The following HERC1 variants were observed in gnomAD, a reference collection of about 807,000 sequenced individuals.
HERC1 encodes probable E3 ubiquitin-protein ligase HERC1.
HERC1 carries 160 observed loss-of-function variants against 554.3 expected under a neutral mutation model. That is an observed-to-expected ratio of 0.29 (90% CI 0.25 to 0.33). HERC1 has a LOEUF of 0.33. Among genes scored for constraint, HERC1 ranks in the 10% least tolerant of loss-of-function variants. HERC1 has a pLI of 1.00. For synonymous variants in HERC1, 2,175 were observed against 2,131.7 expected (o/e 1.02, Z -0.56); for missense variants, 4,919 against 5,918.5 (o/e 0.83, Z 5.54).
chr15:63,782,562 G>A (rs894832272), intron 1 of HERC1, among the ~76,000 whole-genome samples: 2 of 152,220 alleles, frequency 1.3e-5, no homozygotes, highest in African/African-American at 4.8e-5. Context: ...TGTACAAGGA[G>A]ATTCATGTTG....
At chr15:63,641,813 A>T (rs1469980360) in intron 59 of HERC1, among the ~76,000 whole-genome samples, 170 bp from the exon 60 acceptor site, 1 of 152,200 alleles carries the variant, frequency 6.6e-6, no homozygotes, top group Non-Finnish European at 1.5e-5. Context: ...AAAATATCCT[A>T]AATTTTGTCT....
At chr15:63,831,806 G>A (rs1249891385) in intron 1 of HERC1, among the ~76,000 whole-genome samples, 5 of 152,150 alleles carry the variant, frequency 3.3e-5, no homozygotes, top group African/African-American at 4.8e-5. Flanking sequence ...TTTAAATTGA[G>A]ATTTTCAAGA....
chr15:63,673,013 T>A (rs972404795), intron 38 of HERC1, among the ~76,000 whole-genome samples: 3 of 152,198 alleles, frequency 2.0e-5, no homozygotes, highest in African/African-American at 7.2e-5. Flanking sequence ...GATAAGAGGT[T>A]CTCTAAGGTA....
intron 1 of HERC1, chr15:63,779,485 A>G (rs547975621): frequency 2.3e-4 from 35 of 152,326 alleles, no homozygotes; most frequent in African/African-American, 7.9e-4. Context: ...AAATAGAAAC[A>G]CTAATAACGT....
intron 1 of HERC1, among the ~76,000 whole-genome samples, chr15:63,795,065 C>CA (rs1177647525): frequency 0.27 from 18,534 of 68,870 alleles, 3,226 homozygotes; most frequent in Middle Eastern, 0.43. Flanking sequence ...GACTCTGTCT[C>CA]AAAAAAAAAA....
intron 24 of HERC1, among the ~76,000 whole-genome samples, chr15:63,707,951 AAAG>A (rs1306416075): frequency 1.5e-4 from 22 of 149,594 alleles, no homozygotes; most frequent in African/African-American, 5.5e-4. Flanking sequence ...AAAAAAAAAA[AAAG>A]AAGAAGTGAC....
At chr15:63,651,438 A>G in intron 52 of HERC1, 58 bp from the exon 53 acceptor site, 1 of 1,520,628 alleles carries the variant, frequency 6.6e-7, no homozygotes, top group East Asian at 2.3e-5. Context: ...AGTAAATTAA[A>G]TCCCAAACCT....
At chr15:63,792,480 T>C (rs1425081617) in intron 1 of HERC1, among the ~76,000 whole-genome samples, 6 of 152,210 alleles carry the variant, frequency 3.9e-5, no homozygotes, top group Non-Finnish European at 5.9e-5. Context: ...CAAAGCAGAA[T>C]GAACGTGTGC....
chr15:63,702,231 G>C (rs1307709410), intron 25 of HERC1, among the ~76,000 whole-genome samples: 1 of 152,058 alleles, frequency 6.6e-6, no homozygotes, highest in East Asian at 1.9e-4. Flanking sequence ...GAAAACAAAA[G>C]GAGAAATTTG....
intron 64 of HERC1, 147 bp from the exon 65 acceptor site, chr15:63,636,289 T>A (rs2068775053): frequency 1.5e-6 from 1 of 659,464 alleles, no homozygotes; most frequent in Non-Finnish European, 2.4e-6. Context: ...TTTTTTTTTT[T>A]AGATGGAGTC....
intron 1 of HERC1, among the ~76,000 whole-genome samples, chr15:63,782,841 T>C (rs2076325594): frequency 6.6e-6 from 1 of 152,204 alleles, no homozygotes; most frequent in Admixed American, 6.5e-5. Context: ...TTCTAACCCC[T>C]ACGGATGACT....
At chr15:63,772,434 G>A (rs368881274) in intron 2 of HERC1, among the ~76,000 whole-genome samples, 13 of 151,478 alleles carry the variant, frequency 8.6e-5, no homozygotes, top group Non-Finnish European at 1.2e-4. Flanking sequence ...TAAATAGCCC[G>A]TAAAATGAGG....
intron 1 of HERC1, among the ~76,000 whole-genome samples, chr15:63,794,039 A>G (rs1365462843): frequency 6.6e-6 from 1 of 152,154 alleles, no homozygotes; most frequent in Non-Finnish European, 1.5e-5. Flanking sequence ...CCTCACTGCT[A>G]CACTCCCATC....
At chr15:63,679,205 A>G (rs1408713558) in intron 36 of HERC1, among the ~76,000 whole-genome samples, 1 of 152,210 alleles carries the variant, frequency 6.6e-6, no homozygotes, top group African/African-American at 2.4e-5. Context: ...TTGGGCTGCA[A>G]ACCTACATAG....
chr15:63,641,789 G>T, intron 59 of HERC1, 146 bp from the exon 60 acceptor site: 1 of 601,340 alleles, frequency 1.7e-6, no homozygotes, highest in Non-Finnish European at 2.6e-6. Flanking sequence ...TGCTTTTAAT[G>T]CCTATGGAAC....
chr15:63,672,323 C>A (rs2070975325), intron 39 of HERC1, among the ~76,000 whole-genome samples, 173 bp downstream of exon 39: 1 of 152,174 alleles, frequency 6.6e-6, no homozygotes, highest in Non-Finnish European at 1.5e-5. Context: ...AGTTATTAAA[C>A]TTCTGAGGGA....
intron 1 of HERC1, among the ~76,000 whole-genome samples, chr15:63,822,604 A>T (rs889269257): frequency 2.6e-5 from 4 of 151,946 alleles, no homozygotes; most frequent in East Asian, 3.9e-4. Flanking sequence ...AAAAATTTTT[A>T]AATAATAATT....
intron 24 of HERC1, among the ~76,000 whole-genome samples, chr15:63,708,807 T>C (rs941109023): frequency 1.3e-5 from 2 of 152,216 alleles, no homozygotes; most frequent in Non-Finnish European, 2.9e-5. Flanking sequence ...ATATTTCAGC[T>C]GGAAAACCCA....
chr15:63,649,596 T>C (rs1304053367), intron 54 of HERC1, 129 bp downstream of exon 54: 3 of 696,334 alleles, frequency 4.3e-6, no homozygotes, highest in Non-Finnish European at 4.8e-6. Flanking sequence ...AATTAAAACA[T>C]GACTGGAAAA....
Sources: gnomAD v4.1 joint callset for allele counts (sites outside exome capture counted in the v4.1 genomes callset) on GRCh38, gnomAD v4.1.1 for gene constraint, MANE v1.5 for transcripts, NCBI Gene and HGNC (gene_info 2026-07-23, HGNC 2026-07-21) for gene names.